The following FAS variants were observed in gnomAD, a reference collection of about 807,000 sequenced individuals.
FAS encodes the protein tumor necrosis factor receptor superfamily member 6.
In FAS, 5 loss-of-function variants were observed where a neutral mutation model predicts 33.2. The observed-to-expected ratio is 0.15, with a 90% CI of 0.08 to 0.32. The LOEUF (loss-of-function observed/expected upper bound fraction) is 0.32. FAS is among the 10% of genes least tolerant of loss of function. FAS has a pLI of 1.00. For missense variants in FAS, 339 were observed against 386.0 expected, an observed-to-expected ratio of 0.88 and a Z score of 1.02; for synonymous variants, 131 against 130.7, an observed-to-expected ratio of 1.00 and a Z score of -0.01.
At chr10:88,982,926 G>A (rs1049429867), upstream of FAS, among the ~76,000 whole-genome samples, 1 of 152,150 alleles carries the variant, frequency 6.6e-6, no homozygotes, top group African/African-American at 2.4e-5. Context: ...GTAAACAACC[G>A]AACTGATGAG....
At chr10:88,998,841 G>A (rs1248761468) in intron 1 of FAS, among the ~76,000 whole-genome samples, 1 of 152,048 alleles carries the variant, frequency 6.6e-6, no homozygotes, top group Non-Finnish European at 1.5e-5. Flanking sequence ...ATGCTTTGCT[G>A]GTGTCAACAC....
intron 1 of FAS, among the ~76,000 whole-genome samples, chr10:89,000,863 G>A (rs1926192): frequency 0.5 from 75,369 of 151,624 alleles, 19,357 homozygotes; most frequent in Non-Finnish European, 0.56. Flanking sequence ...CCTGGCCAAC[G>A]TGGTGAAATG....
intron 2 of FAS, among the ~76,000 whole-genome samples, chr10:88,975,726 C>T (rs80065980): frequency 0.016 from 2,476 of 151,892 alleles, 88 homozygotes; most frequent in African/African-American, 0.057. Flanking sequence ...AATAAATATT[C>T]GAGAATTAAA....
At chr10:88,970,898 T>TAC in intron 1 of FAS, among the ~76,000 whole-genome samples, 1 of 145,940 alleles carries the variant, frequency 6.9e-6, no homozygotes, top group African/African-American at 2.7e-5. Context: ...TGTGTGTGTG[T>TAC]ATATATATAA....
chr10:88,981,162 G>A (rs1360853101), intron 2 of FAS, among the ~76,000 whole-genome samples: 1 of 152,200 alleles, frequency 6.6e-6, no homozygotes, highest in African/African-American at 2.4e-5. Flanking sequence ...GGAGCCTCCA[G>A]ACCTGTGTCC....
At chr10:88,980,101 T>C (rs2133345711) in intron 2 of FAS, among the ~76,000 whole-genome samples, 1 of 152,372 alleles carries the variant, frequency 6.6e-6, no homozygotes, top group Middle Eastern at 3.4e-3. Flanking sequence ...TTTTTAAGTT[T>C]TGTTCACCAC....
chr10:88,999,160 T>A (rs11591675), intron 1 of FAS, among the ~76,000 whole-genome samples: 62,458 of 132,514 alleles, frequency 0.47, 14,711 homozygotes, highest in South Asian at 0.55. Context: ...CTCAAAAAAA[T>A]AAATAAATAA....
Position 89,015,402 on chromosome 10 carries a change from A to G in FAS, c.*952A>G, listed in dbSNP as rs1848753750. 4 of 531,374 alleles carry G rather than the reference A, an allele frequency of 7.5e-6. No individual in the cohort carries two copies. The highest frequency in any genetic ancestry group is 1.5e-5 in the Non-Finnish European group (4 of 274,294). The allele number at this position is 531,374 out of a possible 1,614,324, so 32.9% of individuals were successfully genotyped here. A position where few individuals can be genotyped will look rare whatever the true frequency, so the allele number is the denominator to read the frequency against. ...CATGTTTGCAATCAAAGATGATAAA[A>G]TAGATTCTTATTTTTCCCCCACCCC... On this transcript the variant is annotated 3_prime_UTR_variant, in exon 9 of 9. Coordinates refer to ENST00000652046, the MANE Select transcript of FAS (RefSeq NM_000043.6).
chr10:88,967,075 A>C (rs1337251445), intron 1 of FAS, among the ~76,000 whole-genome samples: 2 of 152,246 alleles, frequency 1.3e-5, no homozygotes, highest in African/African-American at 2.4e-5. Flanking sequence ...CTAGAAAAGA[A>C]AGTGAACAGG....
chr10:89,002,982 C>G, intron 1 of FAS, 47 bp from the exon 2 acceptor site: 1 of 1,610,638 alleles, frequency 6.2e-7, no homozygotes, highest in African/African-American at 1.3e-5. Flanking sequence ...TACCACGTTG[C>G]TTACTTCAGA....
chr10:88,976,810 G>C (rs1846574975), intron 2 of FAS, among the ~76,000 whole-genome samples: 2 of 152,196 alleles, frequency 1.3e-5, no homozygotes, highest in Admixed American at 1.3e-4. Flanking sequence ...TCCAGGTGCT[G>C]GGTAGAGTTG....
chr10:88,981,689 G>A (rs1846716173), intron 2 of FAS, among the ~76,000 whole-genome samples: 1 of 152,194 alleles, frequency 6.6e-6, no homozygotes, highest in African/African-American at 2.4e-5. Context: ...GGGAGGGAGA[G>A]AGAGGCTGGA....
intron 2 of FAS, among the ~76,000 whole-genome samples, chr10:89,003,918 A>G (rs1193637316): frequency 6.6e-6 from 1 of 152,206 alleles, no homozygotes; most frequent in Non-Finnish European, 1.5e-5. Flanking sequence ...TTGTCCTCCC[A>G]GGCTTCCAGC....
At chr10:88,989,748 G>T (rs769682146), upstream of FAS, among the ~76,000 whole-genome samples, 8 of 152,228 alleles carry the variant, frequency 5.3e-5, no homozygotes, top group Non-Finnish European at 1.0e-4. Context: ...TTATTAATGG[G>T]TTGAATCTAA....
intron 1 of FAS, among the ~76,000 whole-genome samples, chr10:88,967,878 T>A (rs920624317): frequency 1.1e-4 from 17 of 152,222 alleles, no homozygotes; most frequent in Non-Finnish European, 2.4e-4. Flanking sequence ...GAGAAACTAC[T>A]TGAAATAAAT....
intron 1 of FAS, among the ~76,000 whole-genome samples, chr10:88,998,463 C>T (rs985547895): frequency 2.0e-5 from 3 of 152,128 alleles, no homozygotes; most frequent in African/African-American, 7.2e-5. Context: ...CAAATTTCCT[C>T]TTCTTAAAAT....
At chr10:88,975,991 T>C (rs979553327) in intron 2 of FAS, among the ~76,000 whole-genome samples, 71 of 152,342 alleles carry the variant, frequency 4.7e-4, no homozygotes, top group African/African-American at 1.7e-3. Context: ...TCTTTCAAGT[T>C]TGAGGCAAGG....
chr10:89,012,569 A>T (rs1235390879), intron 7 of FAS: 1 of 158,348 alleles, frequency 6.3e-6, no homozygotes, highest in Non-Finnish European at 1.4e-5. Flanking sequence ...ACCCAAATTA[A>T]AAGTAAACTT....
upstream of FAS, among the ~76,000 whole-genome samples, chr10:88,985,475 C>A (rs544817633): frequency 6.6e-6 from 1 of 152,210 alleles, no homozygotes; most frequent in Non-Finnish European, 1.5e-5. Context: ...TCCTTTCTAC[C>A]CAAGTGCTCT....
Sources: gnomAD v4.1 joint callset for allele counts (sites outside exome capture counted in the v4.1 genomes callset) on GRCh38, gnomAD v4.1.1 for gene constraint, MANE v1.5 for transcripts, NCBI Gene and HGNC (gene_info 2026-07-23, HGNC 2026-07-21) for gene names.